Variants in PROX2 observed in about 807,000 individuals in gnomAD.
PROX2 encodes the protein prospero homeobox 2, also known as prospero homeobox protein 2.
PROX2 carries 46 observed loss-of-function variants against 48.9 expected under a neutral mutation model. The observed-to-expected ratio is 0.94, with a 90% CI of 0.74 to 1.20. The LOEUF is 1.20. Among genes scored for constraint, PROX2 ranks in the 50% most tolerant of loss-of-function variants. The probability of loss-of-function intolerance (pLI) is 0.00; values close to 1 mark genes in which losing one functional copy is unlikely to be tolerated. For missense variants in PROX2, 663 were observed against 719.4 expected (o/e 0.92, Z 0.90); for synonymous variants, 260 against 276.6 (o/e 0.94, Z 0.60).
chr14:74,875,556 TATAAAATGGAGATG>T (rs1483500653), intron 1 of PROX2, among the ~76,000 whole-genome samples: 1 of 152,252 alleles, frequency 6.6e-6, no homozygotes, highest in African/African-American at 2.4e-5. Context: ...TTTCAGCTTT[TATAAAATGGAGATG>T]ATAATCATCC....
intron 3 of PROX2, chr14:74,861,223 C>A (rs755700851): frequency 7.4e-7 from 1 of 1,352,858 alleles, no homozygotes; most frequent in African/African-American, 1.5e-5. Context: ...GGATATGCAA[C>A]TCCATAGACT....
chr14:74,874,100 G>C, intron 1 of PROX2: 1 of 528,890 alleles, frequency 1.9e-6, no homozygotes, highest in Non-Finnish European at 3.9e-6. Context: ...GATAGATATG[G>C]CTTTTCTAAA....
intron 1 of PROX2, among the ~76,000 whole-genome samples, 186 bp from the exon 2 acceptor site, chr14:74,871,423 A>G (rs1015624882): frequency 6.6e-6 from 1 of 152,224 alleles, no homozygotes; most frequent in Admixed American, 6.5e-5. Flanking sequence ...GAAGGCACAT[A>G]GGATTTTATA....
At chr14:74,867,653 G>A (rs376445897) in intron 2 of PROX2, among the ~76,000 whole-genome samples, 2 of 152,144 alleles carry the variant, frequency 1.3e-5, no homozygotes, top group East Asian at 3.8e-4. Flanking sequence ...CTTGTGCATG[G>A]AACAAAATCA....
At position 74,863,492 on chromosome 14, in the gene PROX2, G is replaced by A. The variant is rs772203484; in HGVS notation, c.343C>T (p.Leu115=). Residue 115 remains leucine (L), a synonymous_variant, in exon 3 of 6, where the codon CTG becomes TTG. Transcript: ENST00000556489. The part of the protein sequence containing the change: ...KQNLPTPQGL[L]MPAPAWDQGN... ...TGGTCCCAGGCAGGGGCTGGCATCAGGAGGCCTTGCGGTGTGGGAAGGTTC... is the reference window on the plus strand; with the variant it reads ...TGGTCCCAGGCAGGGGCTGGCATCAAGAGGCCTTGCGGTGTGGGAAGGTTC... 6.2e-7 allele frequency: 1 copy of A among 1,613,714 alleles called. No homozygotes were observed. The highest frequency in any genetic ancestry group is 8.5e-7 in the Non-Finnish European group (1 of 1,179,754).
At position 74,854,046 on chromosome 14, in the gene PROX2, A is replaced by G. The variant is rs2091723945; in HGVS notation, c.*1086T>C. The G allele has an allele frequency of 1.1e-5, 2 of 177,890 alleles. No individual in the cohort carries two copies. The highest frequency in any genetic ancestry group is 1.7e-4 in the South Asian group (2 of 11,446). 11.0% of individuals were successfully genotyped at this position (177,890 alleles called of 1,614,324 possible). ...CCAGTTATGCCATTTATCATCTGCA[A>G]GGCTGTGCACAGCCTGTGCAAGCCT... is the stretch of plus-strand genomic sequence containing the variant. On this transcript the variant is annotated 3_prime_UTR_variant, in exon 6 of 6. Transcript: ENST00000556489.
At chr14:74,869,063 CACTT>C (rs1029331319) in intron 2 of PROX2, among the ~76,000 whole-genome samples, 31 of 152,234 alleles carry the variant, frequency 2.0e-4, no homozygotes, top group African/African-American at 6.0e-4. Flanking sequence ...CAGTTCCTGG[CACTT>C]ACTTATTGCT....
intron 2 of PROX2, among the ~76,000 whole-genome samples, chr14:74,867,296 G>A (rs1312796654): frequency 6.6e-6 from 1 of 152,140 alleles, no homozygotes; most frequent in Non-Finnish European, 1.5e-5. Flanking sequence ...AGCTGTCCTG[G>A]ACTTTGTGTT....
intron 3 of PROX2, chr14:74,858,730 T>A (rs534619054): frequency 1.9e-6 from 1 of 522,874 alleles, no homozygotes; most frequent in Admixed American, 3.2e-5. Context: ...CATCTCGATG[T>A]GGAAAAGTTA....
At chr14:74,860,372 CAA>C (rs11346049) in intron 3 of PROX2, among the ~76,000 whole-genome samples, 2 of 149,996 alleles carry the variant, frequency 1.3e-5, no homozygotes, top group African/African-American at 2.4e-5. Context: ...GTTTTGCTAC[CAA>C]AAAAAAAAGA....
chr14:74,861,101 C>T, intron 3 of PROX2: 1 of 705,852 alleles, frequency 1.4e-6, no homozygotes, highest in Non-Finnish European at 2.3e-6. Context: ...GCAGGGGGCG[C>T]TCATGGCATT....
In PROX2 at chr14:74,863,301, C is replaced by T. The variant is rs756516742; in HGVS notation, c.534G>A (p.Gly178=). 2 of 1,614,052 alleles carry T rather than the reference C, an allele frequency of 1.2e-6. No individual in the cohort carries two copies. The highest frequency in any genetic ancestry group is 1.7e-6 in the Non-Finnish European group (2 of 1,179,890). ...TGKGPLSAKQ[G]NGCGPRPWVV... ...CCCAGGGGCGAGGCCCACAGCCATT[C>T]CCCTGCTTTGCACTCAGAGGGCCTT... The change falls in exon 3 of 6, where the codon GGG becomes GGA. Residue 178 remains glycine (G), a synonymous_variant. Transcript: ENST00000556489.
chr14:74,863,115 C>G lies in PROX2; in HGVS notation c.720G>C (p.Ser240=). ...LTRAVSQAVD[S]VLQKVLLDPP... ...GATCCAATAGTACCTTTTGTAATAC[C>G]GAGTCCACAGCCTGGGACACTGCCC... The change falls in exon 3 of 6, where the codon TCG becomes TCC. Residue 240 remains serine, a synonymous_variant. Transcript: ENST00000556489. 1 of 1,613,980 alleles carries G rather than the reference C, an allele frequency of 6.2e-7. No individual in the cohort carries two copies. The highest frequency in any genetic ancestry group is 8.5e-7 in the Non-Finnish European group (1 of 1,179,890).
In PROX2 at chr14:74,863,380, T is replaced by C. The variant is rs763284997; in HGVS notation, c.455A>G (p.Gln152Arg). 1.7e-5 allele frequency: 27 copies of C among 1,613,760 alleles called. No homozygotes were observed. Among genetic ancestry groups the C allele is most frequent in the Non-Finnish European group, 2.2e-5 (26 of 1,179,820 alleles). Residue 152 changes from glutamine (Q) to arginine (R), a missense_variant, in exon 3 of 6, where the codon CAG (glutamine) becomes CGG (arginine). Physicochemically the swap from Gln to Arg is conservative, Grantham distance 43 (BLOSUM62 1). Transcript: ENST00000556489. Reference sequence around the variant, plus strand: ...AGCTGTGTCCCTGGGCTTGGCAGCCTGTAGGATGTGCTCTTGCAGATGTCT... The same window carrying C: ...AGCTGTGTCCCTGGGCTTGGCAGCCCGTAGGATGTGCTCTTGCAGATGTCT... Reference protein sequence around the residue: ...QLRHLQEHILQAAKPRDTAQG... With the variant: ...QLRHLQEHILRAAKPRDTAQG...
chr14:74,859,935 A>C (rs575237279), intron 3 of PROX2, among the ~76,000 whole-genome samples: 1 of 152,362 alleles, frequency 6.6e-6, no homozygotes, highest in African/African-American at 2.4e-5. Flanking sequence ...TAGCTGTGTG[A>C]CCTTGGGCAA....
intron 3 of PROX2, chr14:74,859,267 C>T (rs1164157188): frequency 6.6e-6 from 1 of 152,236 alleles, no homozygotes; most frequent in African/African-American, 2.4e-5. Flanking sequence ...GCTATGAAGA[C>T]TCTTTGTACA....
Position 74,863,529 on chromosome 14 carries a change from C to T in PROX2, c.306G>A (p.Arg102=), listed in dbSNP as rs750298029. 4 of 1,613,568 alleles carry T rather than the reference C, an allele frequency of 2.5e-6. No individual in the cohort carries two copies. Among genetic ancestry groups the T allele is most frequent in the East Asian group, 2.2e-5 (1 of 44,868 alleles). ...SPRCPKKARE[R]KRKQNLPTPQ... is the part of the protein sequence containing the mutation. The stretch of plus-strand genomic sequence containing the variant: ...GTGTGGGAAGGTTCTGCTTCCTCTT[C>T]CTCTCTCGGGCCTTCTTTGGGCAGC... The change falls in exon 3 of 6, where the codon AGG becomes AGA. Residue 102 remains arginine (R), a synonymous_variant. Transcript: ENST00000556489.
rs2091794952 is a variant in PROX2, at chr14:74,861,546, T to C, written c.1305+984A>G. On this transcript the variant is annotated intron_variant, in intron 3 of 5. Transcript: ENST00000556489. ...TGGGAAATACATTAAGAGAGTAGTG[T>C]CTACTTAAGGGTTGCAAAGATGATG... Among the ~76,000 whole-genome samples the C allele has an allele frequency of 2.6e-5, 4 of 152,320 alleles. 1 individual carries two copies. In the South Asian group the frequency reaches 8.3e-4, roughly 32 times the overall value.
chr14:74,856,613 G>A, intron 5 of PROX2, 188 bp downstream of exon 5: 1 of 581,188 alleles, frequency 1.7e-6, no homozygotes, highest in South Asian at 2.3e-5. Context: ...GACTCAGTTT[G>A]CTGCTTCCAC....
Sources: allele counts gnomAD v4.1 joint callset (sites outside exome capture counted in the v4.1 genomes callset), GRCh38; gene constraint gnomAD v4.1.1; transcripts MANE v1.5; gene names NCBI Gene and HGNC (gene_info 2026-07-23, HGNC 2026-07-21).